NAALADL2: variants seen among roughly 807,000 people sequenced by gnomAD.
The protein encoded by NAALADL2 is inactive N-acetylated-alpha-linked acidic dipeptidase-like protein 2.
Under a neutral mutation model 87.2 loss-of-function variants are expected in NAALADL2, and 76 were observed. The observed-to-expected ratio is 0.87, with a 90% CI of 0.72 to 1.05. The LOEUF (loss-of-function observed/expected upper bound fraction) is 1.05, where lower values mean the gene tolerates loss of function less well. Among genes scored for constraint, NAALADL2 ranks in the 50% least tolerant of loss-of-function variants. NAALADL2 has a pLI of 0.00. For synonymous variants in NAALADL2, 354 were observed against 331.0 expected (o/e 1.07, Z -0.75); for missense variants, 1,089 against 945.8 (o/e 1.15, Z -1.99).
At chr3:175,590,417 A>G (rs913176412) in intron 10 of NAALADL2, among the ~76,000 whole-genome samples, 1 of 151,200 alleles carries the variant, frequency 6.6e-6, no homozygotes, top group Non-Finnish European at 1.5e-5. Context: ...CAAGATATTT[A>G]AATCTTCTTC....
chr3:174,651,054 C>G (rs1724304789), intron 2 of NAALADL2, among the ~76,000 whole-genome samples: 1 of 152,058 alleles, frequency 6.6e-6, no homozygotes, highest in Admixed American at 6.5e-5. Context: ...TACCCTTCTA[C>G]CTCATGTAAG....
In NAALADL2 at chr3:174,779,613, C is replaced by T. The variant is rs138833760; in HGVS notation, c.-9+41867C>T. ...TAGGCTTTTACGGCTTTAGGTCTTA[C>T]GTTTAAGTCTTTAATCCATCTTGAG... is the stretch of plus-strand genomic sequence containing the variant. On this transcript the variant is annotated intron_variant, in intron 3 of 3. Transcript: ENST00000434257. Among the ~76,000 whole-genome samples, 996 of 152,120 alleles carry T rather than the reference C, an allele frequency of 6.5e-3. 8 individuals carry two copies. Among genetic ancestry groups the T allele is most frequent in the Middle Eastern group, 0.027 (8 of 294 alleles).
chr3:175,408,815 G>A (rs1712921610), intron 5 of NAALADL2, among the ~76,000 whole-genome samples: 1 of 151,794 alleles, frequency 6.6e-6, no homozygotes, highest in Non-Finnish European at 1.5e-5. Context: ...AGGACATTTT[G>A]TATTGGCAGT....
At chr3:174,943,888 G>A (rs1738992087) in intron 1 of NAALADL2, among the ~76,000 whole-genome samples, 1 of 152,158 alleles carries the variant, frequency 6.6e-6, no homozygotes, top group Non-Finnish European at 1.5e-5. Flanking sequence ...GTGGCAGAGA[G>A]ACTTTCAGTT....
At chr3:175,373,972 T>G (rs987038647) in intron 5 of NAALADL2, among the ~76,000 whole-genome samples, 1 of 152,186 alleles carries the variant, frequency 6.6e-6, no homozygotes, top group Non-Finnish European at 1.5e-5. Flanking sequence ...AATCTGTCTA[T>G]GCATATTTCT....
At chr3:175,270,484 A>C (rs1290889143) in intron 4 of NAALADL2, among the ~76,000 whole-genome samples, 3 of 152,106 alleles carry the variant, frequency 2.0e-5, no homozygotes, top group Admixed American at 6.5e-5. Flanking sequence ...TAAACAAAAG[A>C]ATGCTGAATG....
intron 1 of NAALADL2, among the ~76,000 whole-genome samples, chr3:175,006,776 T>G (rs1435999029): frequency 6.6e-6 from 1 of 151,876 alleles, no homozygotes; most frequent in Non-Finnish European, 1.5e-5. Context: ...GAAAAGTTCC[T>G]TTGTCAAATT....
At chr3:175,490,625 G>A (rs1490094741) in intron 9 of NAALADL2, among the ~76,000 whole-genome samples, 1 of 149,500 alleles carries the variant, frequency 6.7e-6, no homozygotes, top group East Asian at 2.0e-4. Context: ...TTGATCTCCT[G>A]ACCTCGTGAT....
intron 1 of NAALADL2, among the ~76,000 whole-genome samples, chr3:174,455,636 A>G (rs927646838): frequency 1.3e-5 from 2 of 152,218 alleles, no homozygotes; most frequent in Non-Finnish European, 2.9e-5. Context: ...GATCATCTCA[A>G]TAGATTCAGA....
chr3:174,809,970 C>A (rs1459193535), intron 3 of NAALADL2, among the ~76,000 whole-genome samples: 1 of 152,122 alleles, frequency 6.6e-6, no homozygotes, highest in Non-Finnish European at 1.5e-5. Context: ...TCTCTTGGTC[C>A]TGCTCCTGCT....
chr3:175,521,691 CA>C (rs1007923218), intron 9 of NAALADL2, among the ~76,000 whole-genome samples: 1 of 152,102 alleles, frequency 6.6e-6, no homozygotes, highest in African/African-American at 2.4e-5. Context: ...CACGTGAAGA[CA>C]GGGGCAGAGA....
intron 2 of NAALADL2, among the ~76,000 whole-genome samples, chr3:175,104,955 C>T (rs1722842351): frequency 6.7e-6 from 1 of 149,796 alleles, no homozygotes; most frequent in Non-Finnish European, 1.5e-5. Context: ...ATTGTATTAA[C>T]TGGATTCAAC....
At chr3:174,958,640 A>C (rs936040237) in intron 1 of NAALADL2, among the ~76,000 whole-genome samples, 10 of 152,074 alleles carry the variant, frequency 6.6e-5, no homozygotes, top group Admixed American at 6.6e-5. Flanking sequence ...AAGGAGAGTT[A>C]TGTAGTTGAA....
upstream of NAALADL2, among the ~76,000 whole-genome samples, chr3:174,854,409 G>A (rs1579215797): frequency 6.6e-6 from 1 of 152,090 alleles, no homozygotes; most frequent in Non-Finnish European, 1.5e-5. Context: ...AGGGATAAAC[G>A]GGATGGTTAA....
At chr3:175,107,050 C>T (rs912952508) in intron 2 of NAALADL2, among the ~76,000 whole-genome samples, 1 of 151,866 alleles carries the variant, frequency 6.6e-6, no homozygotes, top group Non-Finnish European at 1.5e-5. Flanking sequence ...CTCTACTGTC[C>T]CCATCCTGGG....
chr3:175,412,898 T>TTATTATTAC (rs1005529951), intron 5 of NAALADL2, among the ~76,000 whole-genome samples: 2 of 138,894 alleles, frequency 1.4e-5, no homozygotes, highest in South Asian at 4.8e-4. Flanking sequence ...TTATTTATTA[T>TTATTATTAC]TATTATTATT....
At chr3:174,939,710 G>T (rs1560390124) in intron 1 of NAALADL2, among the ~76,000 whole-genome samples, 1 of 151,776 alleles carries the variant, frequency 6.6e-6, no homozygotes, top group East Asian at 1.9e-4. Context: ...TCTTATTGTA[G>T]AGATCTTTTA....
At chr3:175,531,355 C>G (rs907820809) in intron 9 of NAALADL2, among the ~76,000 whole-genome samples, 5 of 152,132 alleles carry the variant, frequency 3.3e-5, no homozygotes, top group African/African-American at 9.7e-5. Context: ...AATCCCACAC[C>G]ACTGGACACC....
intron 2 of NAALADL2, among the ~76,000 whole-genome samples, chr3:174,696,250 CTTA>C (rs1729000722): frequency 6.6e-6 from 1 of 151,888 alleles, no homozygotes; most frequent in East Asian, 1.9e-4. Context: ...ACATCTATGA[CTTA>C]TTATTTACTC....
Sources: gnomAD v4.1 joint callset for allele counts (sites outside exome capture counted in the v4.1 genomes callset) on GRCh38, gnomAD v4.1.1 for gene constraint, MANE v1.5 for transcripts, NCBI Gene and HGNC (gene_info 2026-07-23, HGNC 2026-07-21) for gene names.